Variants in GRIK2 observed in about 807,000 individuals in gnomAD.
GRIK2 encodes the protein glutamate ionotropic receptor kainate type subunit 2.
Under a neutral mutation model 100.3 loss-of-function variants are expected in GRIK2, and 32 were observed. The observed-to-expected ratio is 0.32, with a 90% CI of 0.24 to 0.43. The LOEUF (loss-of-function observed/expected upper bound fraction) is 0.43, where lower values mean the gene tolerates loss of function less well. Among genes scored for constraint, GRIK2 ranks in the 20% least tolerant of loss-of-function variants. GRIK2 has a pLI of 1.00. For missense variants in GRIK2, 843 were observed against 1,114.9 expected (o/e 0.76, Z 3.47); for synonymous variants, 417 against 389.4 (o/e 1.07, Z -0.83).
intron 2 of GRIK2, among the ~76,000 whole-genome samples, chr6:101,401,892 G>A (rs1056301008): frequency 6.6e-6 from 1 of 152,170 alleles, no homozygotes; most frequent in Non-Finnish European, 1.5e-5. Context: ...CTCTGCTGGG[G>A]AGGCAGCATC....
chr6:101,900,945 A>G (rs1376676007), intron 12 of GRIK2, among the ~76,000 whole-genome samples: 1 of 144,532 alleles, frequency 6.9e-6, no homozygotes, highest in East Asian at 2.0e-4. Context: ...TTTATTTTTT[A>G]TTATTAGAAA....
intron 2 of GRIK2, among the ~76,000 whole-genome samples, chr6:101,504,383 T>G (rs1449427876): frequency 6.6e-6 from 1 of 152,028 alleles, no homozygotes; most frequent in African/African-American, 2.4e-5. Flanking sequence ...AATAGGAAAG[T>G]CAGAAAAATG....
intron 10 of GRIK2, among the ~76,000 whole-genome samples, chr6:101,846,373 G>A (rs758657545): frequency 2.0e-5 from 3 of 152,052 alleles, no homozygotes; most frequent in Non-Finnish European, 4.4e-5. Context: ...TCATTTACAT[G>A]TAGATTTTTA....
chr6:102,051,474 A>T (rs1771192517), intron 15 of GRIK2, among the ~76,000 whole-genome samples: 1 of 152,176 alleles, frequency 6.6e-6, no homozygotes, highest in Non-Finnish European at 1.5e-5. Context: ...GAAAGTACCA[A>T]AGATTAGAGA....
At chr6:101,901,883 C>T (rs1053735520) in intron 12 of GRIK2, among the ~76,000 whole-genome samples, 19 of 151,838 alleles carry the variant, frequency 1.3e-4, no homozygotes, top group African/African-American at 4.6e-4. Flanking sequence ...TTTGGATCTA[C>T]TAAATAATAC....
intron 7 of GRIK2, among the ~76,000 whole-genome samples, chr6:101,798,585 C>T (rs878885107): frequency 6.6e-6 from 1 of 151,974 alleles, no homozygotes; most frequent in Admixed American, 6.6e-5. Context: ...ACTGTGTATA[C>T]TCATTTTGTA....
chr6:102,016,912 A>G (rs536014552), intron 14 of GRIK2, among the ~76,000 whole-genome samples: 2 of 152,182 alleles, frequency 1.3e-5, no homozygotes, highest in Non-Finnish European at 2.9e-5. Flanking sequence ...AGCCCATTAG[A>G]TTAGCAGTGG....
At position 101,700,453 on chromosome 6, in the gene GRIK2, C is replaced by T. The variant is rs146167746; in HGVS notation, c.951+14100C>T. ...ATTTAGGAAGAAGATAATGGAAAGC[C>T]ATTAAAGATGTTAGAACAGGAGAGT... On this transcript the variant is annotated intron_variant, in intron 7 of 16. Transcript: ENST00000369134. 2.4e-4 allele frequency among the ~76,000 whole-genome samples: 37 copies of T among 151,938 alleles called. 1 individual carries two copies. Among genetic ancestry groups the T allele is most frequent in the Admixed American group, 2.4e-3 (37 of 15,218 alleles).
intron 2 of GRIK2, among the ~76,000 whole-genome samples, chr6:101,445,845 A>G (rs1373651867): frequency 1.3e-5 from 2 of 152,062 alleles, no homozygotes; most frequent in African/African-American, 4.8e-5. Context: ...CTTTTTACCT[A>G]TGAATGAGGC....
At chr6:101,651,515 T>G (rs1781791003) in intron 4 of GRIK2, among the ~76,000 whole-genome samples, 1 of 152,040 alleles carries the variant, frequency 6.6e-6, no homozygotes, top group African/African-American at 2.4e-5. Flanking sequence ...TTGTAGAGTA[T>G]GTTAGAAGGC....
intron 2 of GRIK2, among the ~76,000 whole-genome samples, chr6:101,505,790 A>AC: frequency 6.6e-6 from 1 of 151,824 alleles, no homozygotes; most frequent in Non-Finnish European, 1.5e-5. Context: ...AAAAAAAAAA[A>AC]AACTAGAAAT....
intron 7 of GRIK2, among the ~76,000 whole-genome samples, chr6:101,711,394 C>T (rs999260699): frequency 2.6e-5 from 4 of 151,548 alleles, no homozygotes; most frequent in Non-Finnish European, 5.9e-5. Context: ...ATTTGAGATA[C>T]AAAAATTCAT....
At chr6:101,481,476 C>G (rs867349496) in intron 2 of GRIK2, among the ~76,000 whole-genome samples, 1 of 152,046 alleles carries the variant, frequency 6.6e-6, no homozygotes, top group African/African-American at 2.4e-5. Context: ...GACATTACTT[C>G]TAAGACAGCA....
At chr6:101,459,351 T>G (rs1039194522) in intron 2 of GRIK2, among the ~76,000 whole-genome samples, 3 of 152,228 alleles carry the variant, frequency 2.0e-5, no homozygotes, top group African/African-American at 7.2e-5. Flanking sequence ...ATTTCTGATG[T>G]GAAGAAACCA....
chr6:101,830,858 C>T (rs1395601672), intron 10 of GRIK2, among the ~76,000 whole-genome samples: 2 of 151,908 alleles, frequency 1.3e-5, no homozygotes, highest in African/African-American at 4.8e-5. Context: ...AGCAATCTAA[C>T]ACAGAAACAG....
intron 7 of GRIK2, among the ~76,000 whole-genome samples, chr6:101,792,488 A>G (rs1307934076): frequency 6.6e-6 from 1 of 151,666 alleles, no homozygotes; most frequent in African/African-American, 2.4e-5. Context: ...GCTGGATATG[A>G]AATTCTGGGT....
chr6:101,881,535 A>G (rs1786244240), intron 11 of GRIK2, among the ~76,000 whole-genome samples: 1 of 152,060 alleles, frequency 6.6e-6, no homozygotes, highest in Non-Finnish European at 1.5e-5. Flanking sequence ...ATTTTTAAAT[A>G]AAAGTTTAGT....
intron 15 of GRIK2, among the ~76,000 whole-genome samples, chr6:102,053,654 A>G (rs1771319577): frequency 6.6e-6 from 1 of 152,220 alleles, no homozygotes; most frequent in Non-Finnish European, 1.5e-5. Flanking sequence ...TTTGTTGACC[A>G]GAAACATATA....
At chr6:101,889,937 C>A in intron 12 of GRIK2, 74 bp downstream of exon 12, 1 of 828,288 alleles carries the variant, frequency 1.2e-6, no homozygotes. Flanking sequence ...TCAAAAGTCA[C>A]AATCAATTTT....
Sources: allele counts gnomAD v4.1 joint callset (sites outside exome capture counted in the v4.1 genomes callset), GRCh38; gene constraint gnomAD v4.1.1; transcripts MANE v1.5; gene names NCBI Gene and HGNC (gene_info 2026-07-23, HGNC 2026-07-21).